The following GAS7 variants were observed in gnomAD, a reference collection of about 807,000 sequenced individuals.
The protein encoded by GAS7 is growth arrest specific 7, also known as growth arrest-specific protein 7.
GAS7 carries 28 observed loss-of-function variants against 71.1 expected under a neutral mutation model. That is an observed-to-expected ratio of 0.39 (90% CI 0.29 to 0.54). The LOEUF is 0.54. GAS7 is among the 20% of genes least tolerant of loss of function. The pLI is 0.62. For missense variants in GAS7, 436 were observed against 627.8 expected (o/e 0.69, Z 3.27); for synonymous variants, 258 against 245.8 (o/e 1.05, Z -0.46).
At chr17:9,955,423 C>CAA (rs1198924073) in intron 5 of GAS7, among the ~76,000 whole-genome samples, 1 of 152,236 alleles carries the variant, frequency 6.6e-6, no homozygotes, top group Non-Finnish European at 1.5e-5. Context: ...AAATAATGTG[C>CAA]CAGCCACAGT....
chr17:10,027,260 G>GAA (rs1567554060), intron 1 of GAS7, among the ~76,000 whole-genome samples: 11 of 145,548 alleles, frequency 7.6e-5, no homozygotes, highest in South Asian at 4.4e-4. Context: ...GAATGAATGA[G>GAA]TGAATGAAAA....
In GAS7 at chr17:9,913,642, G is replaced by A. The variant is rs1363924307; in HGVS notation, c.*3586C>T. ...CCGCAGAAATTCTCCTTGGCCAACA[G>A]GGTGCTGAGTGGAGGTAGAAAGGAG... On this transcript the variant is annotated 3_prime_UTR_variant, in exon 14 of 14. Transcript: ENST00000432992. The A allele has an allele frequency of 3.5e-5, 8 of 230,796 alleles. No homozygotes were observed. Among genetic ancestry groups the A allele is most frequent in the Non-Finnish European group, 6.9e-5 (8 of 116,582 alleles). The allele number at this position is 230,796 out of a possible 1,614,324, so 14.3% of individuals were successfully genotyped here. A position where few individuals can be genotyped will look rare whatever the true frequency, so the allele number is the denominator to read the frequency against.
intron 2 of GAS7, among the ~76,000 whole-genome samples, chr17:9,993,067 A>G (rs1007735202): frequency 0.027 from 4,042 of 151,846 alleles, 172 homozygotes; most frequent in African/African-American, 0.091. Flanking sequence ...ATAAACATAC[A>G]TGTGCATCTG....
At chr17:10,047,139 A>T (rs1325242868) in intron 1 of GAS7, among the ~76,000 whole-genome samples, 1 of 152,192 alleles carries the variant, frequency 6.6e-6, no homozygotes, top group Non-Finnish European at 1.5e-5. Flanking sequence ...ACAAGAGAGC[A>T]GGAAGTGCAG....
At chr17:10,101,027 G>A (rs555248426) in intron 1 of GAS7, among the ~76,000 whole-genome samples, 25 of 152,076 alleles carry the variant, frequency 1.6e-4, no homozygotes, top group Non-Finnish European at 2.9e-4. Flanking sequence ...CCAGCTACTC[G>A]GAAGGCTGAG....
rs192145762 is a variant in GAS7, at chr17:9,956,123, C to A, written c.525+3079G>T. 1.0e-3 allele frequency among the ~76,000 whole-genome samples: 152 copies of A among 152,346 alleles called. 1 individual carries two copies. The highest frequency in any genetic ancestry group is 1.9e-3 in the Non-Finnish European group (131 of 68,030). ...CCAAGGCATGCCCCTCCCCTAAGTC[C>A]TGGCCCAGCAGGAGCCTGTGGGGAA... On this transcript the variant is annotated intron_variant, in intron 5 of 13. Transcript: ENST00000432992.
chr17:10,116,946 C>G (rs1052524228), intron 1 of GAS7, among the ~76,000 whole-genome samples: 1 of 152,042 alleles, frequency 6.6e-6, no homozygotes, highest in Non-Finnish European at 1.5e-5. Context: ...GAGTGAGAGA[C>G]TGAAAGGAGA....
At chr17:10,074,434 G>A (rs1408729004) in intron 1 of GAS7, among the ~76,000 whole-genome samples, 1 of 152,172 alleles carries the variant, frequency 6.6e-6, no homozygotes, top group Non-Finnish European at 1.5e-5. Flanking sequence ...AACCCTGGAA[G>A]GGTTTCACTT....
intron 1 of GAS7, among the ~76,000 whole-genome samples, chr17:10,072,004 C>T (rs538357147): frequency 6.6e-6 from 1 of 151,656 alleles, no homozygotes; most frequent in Admixed American, 6.6e-5. Flanking sequence ...GTCAGGTGGA[C>T]CATACTGCAG....
chr17:10,017,492 A>G (rs1164102564), intron 2 of GAS7, among the ~76,000 whole-genome samples: 1 of 151,722 alleles, frequency 6.6e-6, no homozygotes, highest in Non-Finnish European at 1.5e-5. Flanking sequence ...CCACACCCGG[A>G]TAATTTTGAT....
intron 11 of GAS7, among the ~76,000 whole-genome samples, chr17:9,921,892 G>A (rs2067825835): frequency 1.3e-5 from 2 of 150,662 alleles, no homozygotes; most frequent in Admixed American, 6.6e-5. Flanking sequence ...CAGGGAGGCG[G>A]AGCTTGCAGT....
intron 1 of GAS7, among the ~76,000 whole-genome samples, chr17:10,142,574 C>G (rs11656295): frequency 0.87 from 133,000 of 152,136 alleles, 58,261 homozygotes; most frequent in African/African-American, 0.91. Context: ...TCACCATGTT[C>G]GCCAGGACCT....
At chr17:10,116,741 C>T (rs2073864797) in intron 1 of GAS7, among the ~76,000 whole-genome samples, 1 of 152,138 alleles carries the variant, frequency 6.6e-6, no homozygotes, top group African/African-American at 2.4e-5. Context: ...ATACACCAGA[C>T]GCAGGTTTCG....
intron 7 of GAS7, among the ~76,000 whole-genome samples, chr17:9,942,487 A>G (rs1403947576): frequency 6.7e-6 from 1 of 150,096 alleles, no homozygotes; most frequent in Non-Finnish European, 1.5e-5. Context: ...CTCCATTTCC[A>G]TTGGGCTGAA....
At chr17:10,140,497 T>TTG (rs1412905893) in intron 1 of GAS7, among the ~76,000 whole-genome samples, 1 of 152,044 alleles carries the variant, frequency 6.6e-6, no homozygotes, top group Admixed American at 6.6e-5. Flanking sequence ...ATATCTGCAT[T>TTG]TGTGTGTGTG....
In GAS7 at chr17:9,915,500, A is replaced by G. The variant is rs2067559310; in HGVS notation, c.*1728T>C. On this transcript the variant is annotated 3_prime_UTR_variant, in exon 14 of 14. Coordinates refer to ENST00000432992, the MANE Select transcript of GAS7 (RefSeq NM_201433.2). The stretch of plus-strand genomic sequence containing the variant: ...CACGTAGGTGAAGGCCTTTGTGCTG[A>G]CCTTTTTGGTTGCAATGTTTCAAGA... 1 of 228,974 alleles carries G rather than the reference A, an allele frequency of 4.4e-6. No homozygotes were observed. The highest frequency in any genetic ancestry group is 5.7e-5 in the Admixed American group (1 of 17,596). The allele number at this position is 228,974 out of a possible 1,614,324, so 14.2% of individuals were successfully genotyped here.
intron 2 of GAS7, among the ~76,000 whole-genome samples, chr17:9,985,379 C>T (rs80100828): frequency 0.085 from 12,950 of 152,198 alleles, 716 homozygotes; most frequent in African/African-American, 0.16. Flanking sequence ...GACTGACATC[C>T]CACTGGCTTC....
At chr17:10,068,884 C>T (rs55736086) in intron 1 of GAS7, among the ~76,000 whole-genome samples, 2,322 of 152,282 alleles carry the variant, frequency 0.015, 30 homozygotes, top group Non-Finnish European at 0.024. Flanking sequence ...CCTCTCCCAG[C>T]AGTCACATAG....
intron 1 of GAS7, among the ~76,000 whole-genome samples, chr17:10,136,667 C>G (rs1487720231): frequency 6.6e-6 from 1 of 152,322 alleles, no homozygotes; most frequent in East Asian, 1.9e-4. Flanking sequence ...CCAGCTTCAA[C>G]CTATTCTGCA....
Sources: allele counts gnomAD v4.1 joint callset (sites outside exome capture counted in the v4.1 genomes callset), GRCh38; gene constraint gnomAD v4.1.1; transcripts MANE v1.5; gene names NCBI Gene and HGNC (gene_info 2026-07-23, HGNC 2026-07-21).